Variants in COX18 observed in about 807,000 individuals in gnomAD.
COX18 encodes cytochrome c oxidase assembly protein COX18, mitochondrial.
A neutral mutation model predicts 38.0 loss-of-function variants in COX18; 45 were observed. The ratio of observed to expected loss-of-function variants is 1.18; its 90% CI spans 0.93 to 1.52. The LOEUF (loss-of-function observed/expected upper bound fraction) is 1.52. Ranked by LOEUF, COX18 falls within the 40% of genes most tolerant of loss-of-function variation. COX18 has a pLI of 0.00. For missense variants in COX18, 462 were observed against 423.8 expected (o/e 1.09, Z -0.79); for synonymous variants, 177 against 169.8 (o/e 1.04, Z -0.33).
Position 73,053,314 on chromosome 4 carries a change from T to C in COX18, c.*4800A>G, listed in dbSNP as rs1233017130. The C allele has an allele frequency of 6.6e-6, 1 of 151,750 alleles. No individual in the cohort carries two copies. Among genetic ancestry groups the C allele is most frequent in the Non-Finnish European group, 1.5e-5 (1 of 67,988 alleles). The allele number at this position is 151,750 out of a possible 1,614,324, so 9.4% of individuals were successfully genotyped here. ...AGAATGTAGAGGAGGAGTCAGCCCA[T>C]AAAAGGGAAGAAAGTTTCGTTATTG... On this transcript the variant is annotated 3_prime_UTR_variant, in exon 6 of 6. Coordinates refer to ENST00000507544, the MANE Select transcript of COX18 (RefSeq NM_001297732.2).
At chr4:73,060,879 CAAA>C (rs34253453) in intron 5 of COX18, among the ~76,000 whole-genome samples, 16 of 127,380 alleles carry the variant, frequency 1.3e-4, no homozygotes, top group Admixed American at 1.6e-4. Context: ...GACTCCATCT[CAAA>C]AAAAAAAAAA....
chr4:73,062,008 T>G, intron 4 of COX18, 88 bp from the exon 5 acceptor site: 1 of 535,396 alleles, frequency 1.9e-6, no homozygotes, highest in Non-Finnish European at 3.3e-6. Context: ...GATTTTTCAC[T>G]GGCCTCCATC....
In COX18 at chr4:73,054,391, A is replaced by T. The variant is rs899640340; in HGVS notation, c.*3723T>A. On this transcript the variant is annotated 3_prime_UTR_variant, in exon 6 of 6. Coordinates refer to ENST00000507544, the MANE Select transcript of COX18 (RefSeq NM_001297732.2). ...TAAAAAAAATCTGCCTGAAGAAAAA[A>T]ATCAAGAGTATTTACCATCCTGAAG... is the stretch of plus-strand genomic sequence containing the variant. 1 of 152,240 alleles carries T rather than the reference A, an allele frequency of 6.6e-6. No individual in the cohort carries two copies. The highest frequency in any genetic ancestry group is 6.5e-5 in the Admixed American group (1 of 15,284). 9.4% of individuals were successfully genotyped at this position (152,240 alleles called of 1,614,324 possible).
intron 2 of COX18, among the ~76,000 whole-genome samples, chr4:73,065,615 C>T (rs1720413083): frequency 6.6e-6 from 1 of 152,032 alleles, no homozygotes; most frequent in Non-Finnish European, 1.5e-5. Context: ...CAGTATGGTA[C>T]ACAAGTTACA....
At chr4:73,066,079 A>G (rs1361155367) in intron 2 of COX18, among the ~76,000 whole-genome samples, 1 of 152,204 alleles carries the variant, frequency 6.6e-6, no homozygotes, top group Non-Finnish European at 1.5e-5. Context: ...CTCCTGTATC[A>G]TATATTTTGT....
At position 73,068,133 on chromosome 4, in the gene COX18, G is replaced by C. The variant is rs775558665; in HGVS notation, c.334-4C>G. The C allele has an allele frequency of 5.0e-6, 8 of 1,598,600 alleles. No homozygotes were observed. The East Asian group carries it at 1.8e-4, about 36-fold the overall frequency. On this transcript the variant is annotated splice_region_variant and splice_polypyrimidine_tract_variant and intron_variant, in intron 1 of 5. Coordinates refer to ENST00000507544, the MANE Select transcript of COX18 (RefSeq NM_001297732.2). ...TTTCTGGCTGCAAATTTTCCACCTA[G>C]CTAAAAAATAGGTTTTGTTATGAGC...
At chr4:73,068,994 C>T (rs775547381) in intron 1 of COX18, among the ~76,000 whole-genome samples, 17 of 152,216 alleles carry the variant, frequency 1.1e-4, no homozygotes, top group Non-Finnish European at 2.2e-4. Flanking sequence ...TTGTAGGTTT[C>T]GCCAACACAA....
In COX18 at chr4:73,068,021, T is replaced by G; in HGVS notation, c.434+8A>C. 6.3e-7 allele frequency: 1 copy of G among 1,596,854 alleles called. No homozygotes were observed. The highest frequency in any genetic ancestry group is 8.6e-7 in the Non-Finnish European group (1 of 1,166,428). ...GCGTATGGTCTTACGTGGATATAATTAGCTTACCTGGCATCTCTTTTGGAC... is the reference window on the plus strand; with the variant it reads ...GCGTATGGTCTTACGTGGATATAATGAGCTTACCTGGCATCTCTTTTGGAC... On this transcript the variant is annotated splice_region_variant and intron_variant, in intron 2 of 5. Coordinates refer to ENST00000507544, the MANE Select transcript of COX18 (RefSeq NM_001297732.2).
At chr4:73,066,599 T>A (rs1239070554) in intron 2 of COX18, among the ~76,000 whole-genome samples, 1 of 152,180 alleles carries the variant, frequency 6.6e-6, no homozygotes, top group Non-Finnish European at 1.5e-5. Flanking sequence ...GAAAGAAACA[T>A]CTGTAAGGCT....
At chr4:73,061,707 CAAAAAAA>C (rs35931617) in intron 5 of COX18, 99 bp downstream of exon 5, 75 of 368,702 alleles carry the variant, frequency 2.0e-4, no homozygotes, top group East Asian at 4.9e-4. Context: ...GACTCCGTCT[CAAAAAAA>C]AAAAAAAAAA....
At position 73,053,265 on chromosome 4, in the gene COX18, C is replaced by A. The variant is rs1719790360; in HGVS notation, c.*4849G>T. The A allele has an allele frequency of 6.6e-6, 1 of 151,904 alleles. No individual in the cohort carries two copies. Among genetic ancestry groups the A allele is most frequent in the Non-Finnish European group, 1.5e-5 (1 of 68,026 alleles). The allele number at this position is 151,904 out of a possible 1,614,324, so 9.4% of individuals were successfully genotyped here. A position where few individuals can be genotyped will look rare whatever the true frequency, so the allele number is the denominator to read the frequency against. On this transcript the variant is annotated 3_prime_UTR_variant, in exon 6 of 6. Coordinates refer to ENST00000507544, the MANE Select transcript of COX18 (RefSeq NM_001297732.2). ...TGTAACAAACCGCACTGCTCATGCA[C>A]CTAGAAGGTCACAATAAACGAACAG...
At chr4:73,061,022 T>A (rs1447082134) in intron 5 of COX18, among the ~76,000 whole-genome samples, 1 of 152,210 alleles carries the variant, frequency 6.6e-6, no homozygotes, top group Non-Finnish European at 1.5e-5. Context: ...CTTAGAAACT[T>A]CTAAAGTATT....
intron 2 of COX18, among the ~76,000 whole-genome samples, chr4:73,067,824 A>G (rs1720522026): frequency 7.5e-6 from 1 of 133,244 alleles, no homozygotes; most frequent in South Asian, 2.6e-4. Context: ...CTGGGCACCA[A>G]GAGCAAAACT....
intron 3 of COX18, 61 bp downstream of exon 3, chr4:73,065,189 T>C (rs888691407): frequency 1.7e-6 from 2 of 1,205,504 alleles, no homozygotes; most frequent in African/African-American, 1.5e-5. Context: ...TTTTTTTTTT[T>C]TTTTTTTAGT....
chr4:73,068,469 A>G (rs546711107), intron 1 of COX18: 66 of 180,530 alleles, frequency 3.7e-4, no homozygotes, highest in African/African-American at 1.6e-3. Flanking sequence ...TACATTTCCT[A>G]GTAACGTAAG....
chr4:73,053,356 G>A lies in COX18; in HGVS notation c.*4758C>T, dbSNP rs528427297. ...TCGTTATTGGGAAATCAAAACTTAA[G>A]GGGGGAAGGGAATGGGGTATATAAC... On this transcript the variant is annotated 3_prime_UTR_variant, in exon 6 of 6. Coordinates refer to ENST00000507544, the MANE Select transcript of COX18 (RefSeq NM_001297732.2). The A allele has an allele frequency of 6.6e-6, 1 of 152,314 alleles. No homozygotes were observed. The allele number at this position is 152,314 out of a possible 1,614,324, so 9.4% of individuals were successfully genotyped here.
Position 73,069,697 on chromosome 4 carries a change from A to G in COX18, c.-48T>C. On this transcript the variant is annotated 5_prime_UTR_variant, in exon 1 of 6. Transcript: ENST00000507544. ...GATCCCGGGCCTCACAATCCAGCGG[A>G]CATACACCGGCCAGCCAAGGCTGAT... 2 of 1,515,860 alleles carry G rather than the reference A, an allele frequency of 1.3e-6. No individual in the cohort carries two copies. The highest frequency in any genetic ancestry group is 1.2e-5 in the South Asian group (1 of 83,572). 93.9% of individuals were successfully genotyped at this position (1,515,860 alleles called of 1,614,324 possible). A position where few individuals can be genotyped will look rare whatever the true frequency, so the allele number is the denominator to read the frequency against.
chr4:73,058,317 C>T (rs1719994453), intron 5 of COX18, 30 bp from the exon 6 acceptor site: 2 of 1,515,544 alleles, frequency 1.3e-6, no homozygotes, highest in Admixed American at 3.9e-5. Context: ...ATGTTAGCAT[C>T]TGTAATTCTA....
rs761333509 is a variant in COX18, at chr4:73,064,777, C to A, written c.723+1G>T. 2 of 1,613,058 alleles carry A rather than the reference C, an allele frequency of 1.2e-6. No homozygotes were observed. Among genetic ancestry groups the A allele is most frequent in the Non-Finnish European group, 1.7e-6 (2 of 1,179,330 alleles). On this transcript the variant is annotated splice_donor_variant, in intron 4 of 5. Transcript: ENST00000507544. LOFTEE classifies it high-confidence loss of function. ...AACAAATTTCATTTAAAACTACTGA[C>A]CTCCACTATTAACAAATTGATGACG... is the stretch of plus-strand genomic sequence containing the variant.
Sources: allele counts gnomAD v4.1 joint callset (sites outside exome capture counted in the v4.1 genomes callset), GRCh38; gene constraint gnomAD v4.1.1; transcripts MANE v1.5; gene names NCBI Gene and HGNC (gene_info 2026-07-23, HGNC 2026-07-21).